The following STK33 variants were observed in gnomAD, a reference collection of about 807,000 sequenced individuals.
STK33 encodes the protein serine/threonine kinase 33, also known as serine/threonine-protein kinase 33.
STK33 carries 52 observed loss-of-function variants against 58.0 expected under a neutral mutation model. That is an observed-to-expected ratio of 0.90 (90% CI 0.72 to 1.13). STK33 has a LOEUF of 1.13. STK33 is among the 50% of genes most tolerant of loss of function. The probability of loss-of-function intolerance (pLI) is 0.00; values close to 1 mark genes in which losing one functional copy is unlikely to be tolerated. For missense variants in STK33, 630 were observed against 604.2 expected, an observed-to-expected ratio of 1.04 and a Z score of -0.45; for synonymous variants, 215 against 200.1, an observed-to-expected ratio of 1.07 and a Z score of -0.63.
At chr11:8,481,498 T>C (rs1440896961) in intron 1 of STK33, among the ~76,000 whole-genome samples, 4 of 152,118 alleles carry the variant, frequency 2.6e-5, no homozygotes, top group African/African-American at 9.7e-5. Context: ...AGCTTACAAA[T>C]ACAATAAACA....
chr11:8,369,465 G>C, the STK33 span, among the ~76,000 whole-genome samples: 2 of 151,534 alleles, frequency 1.3e-5, no homozygotes, highest in Non-Finnish European at 2.9e-5. Flanking sequence ...CAGAGAATGA[G>C]GAGGCTAAGG....
intron 1 of STK33, among the ~76,000 whole-genome samples, chr11:8,577,129 T>C (rs768488168): frequency 6.6e-6 from 1 of 152,210 alleles, no homozygotes; most frequent in African/African-American, 2.4e-5. Flanking sequence ...GAGGGTACTA[T>C]GGTATCTAAC....
intron 1 of STK33, among the ~76,000 whole-genome samples, chr11:8,538,295 C>T (rs1955217766): frequency 6.6e-6 from 1 of 152,086 alleles, no homozygotes; most frequent in Non-Finnish European, 1.5e-5. Flanking sequence ...CTTACAACAA[C>T]TCTATGAAGT....
At chr11:8,506,617 C>CAA (rs34867421) in intron 1 of STK33, among the ~76,000 whole-genome samples, 56 of 151,788 alleles carry the variant, frequency 3.7e-4, no homozygotes, top group East Asian at 2.7e-3. Flanking sequence ...GATAATCCAG[C>CAA]AAAAAAATCC....
the STK33 span, among the ~76,000 whole-genome samples, chr11:8,361,896 C>T: frequency 0.011 from 1,688 of 152,340 alleles, 31 homozygotes; most frequent in African/African-American, 0.039. This position sits in a 1 kb window ranked among gnomAD's most constrained non-coding sequence, Gnocchi z 4.8. Context: ...TGTGCTCACG[C>T]GGGCCCATGG....
At chr11:8,488,053 G>C (rs1950311810) in intron 1 of STK33, among the ~76,000 whole-genome samples, 1 of 152,108 alleles carries the variant, frequency 6.6e-6, no homozygotes, top group African/African-American at 2.4e-5. Context: ...AAGGAAAATG[G>C]AGCTAGGGCT....
intron 1 of STK33, among the ~76,000 whole-genome samples, chr11:8,522,001 A>G (rs530225342): frequency 3.8e-4 from 58 of 151,888 alleles, no homozygotes; most frequent in African/African-American, 1.3e-3. Flanking sequence ...GGATGTGGAG[A>G]AAAAAAACAC....
At chr11:8,546,591 C>T (rs1034630194) in intron 1 of STK33, among the ~76,000 whole-genome samples, 2 of 151,670 alleles carry the variant, frequency 1.3e-5, no homozygotes, top group African/African-American at 2.4e-5. Context: ...TCTTCATCCC[C>T]CCCACCCTAC....
intron 1 of STK33, among the ~76,000 whole-genome samples, chr11:8,543,224 C>T (rs577078173): frequency 4.6e-5 from 7 of 152,256 alleles, no homozygotes; most frequent in African/African-American, 1.7e-4. Context: ...GCATATTCAC[C>T]ATTTAATTGT....
chr11:8,531,670 C>G (rs1954562543), intron 1 of STK33, among the ~76,000 whole-genome samples: 1 of 152,174 alleles, frequency 6.6e-6, no homozygotes, highest in Admixed American at 6.5e-5. Flanking sequence ...GAGTGAGCCT[C>G]CCACAGAACC....
chr11:8,476,207 G>A (rs1949258057), intron 4 of STK33, among the ~76,000 whole-genome samples: 1 of 152,104 alleles, frequency 6.6e-6, no homozygotes, highest in African/African-American at 2.4e-5. Flanking sequence ...TTTAGATTAG[G>A]GGTAGCCATG....
chr11:8,452,268 A>C (rs1946375786), intron 11 of STK33, among the ~76,000 whole-genome samples: 1 of 152,194 alleles, frequency 6.6e-6, no homozygotes, highest in Admixed American at 6.5e-5. Flanking sequence ...AGCAATAATT[A>C]AGTTTGGGGT....
intron 1 of STK33, among the ~76,000 whole-genome samples, chr11:8,484,613 A>C (rs1195439463): frequency 6.6e-6 from 1 of 152,254 alleles, no homozygotes; most frequent in Non-Finnish European, 1.5e-5. Context: ...TTAAATATGT[A>C]AATGCTGAAT....
chr11:8,481,836 T>C (rs749533325), intron 1 of STK33, among the ~76,000 whole-genome samples: 2 of 152,280 alleles, frequency 1.3e-5, no homozygotes, highest in South Asian at 4.1e-4. Flanking sequence ...ATGGACCATA[T>C]TGTCAAACCC....
At chr11:8,467,571 G>C (rs1229263817) in intron 6 of STK33, 1 of 152,300 alleles carries the variant, frequency 6.6e-6, no homozygotes, top group Non-Finnish European at 1.5e-5. Flanking sequence ...CAAGTCTCTA[G>C]GGAGCTCCAA....
At chr11:8,442,674 G>C (rs1196538058) in intron 11 of STK33, among the ~76,000 whole-genome samples, 1 of 152,064 alleles carries the variant, frequency 6.6e-6, no homozygotes, top group South Asian at 2.1e-4. Context: ...TGCCAACAGG[G>C]GGATATGAAC....
intron 1 of STK33, among the ~76,000 whole-genome samples, chr11:8,577,728 C>G (rs1378738786): frequency 1.3e-5 from 2 of 152,008 alleles, no homozygotes; most frequent in Non-Finnish European, 2.9e-5. Context: ...GTATACATGC[C>G]ATTTATACTC....
At chr11:8,526,077 A>G (rs1565275902) in intron 1 of STK33, among the ~76,000 whole-genome samples, 1 of 152,196 alleles carries the variant, frequency 6.6e-6, no homozygotes, top group East Asian at 1.9e-4. Context: ...AAGCAGAAAA[A>G]AGAGAACTCG....
chr11:8,512,152 T>G (rs1215685101), intron 1 of STK33, among the ~76,000 whole-genome samples: 1 of 152,220 alleles, frequency 6.6e-6, no homozygotes, highest in Non-Finnish European at 1.5e-5. Context: ...GTCAATAATC[T>G]ATAGATTAAT....
Sources: allele counts gnomAD v4.1 joint callset (sites outside exome capture counted in the v4.1 genomes callset), GRCh38; gene constraint gnomAD v4.1.1; non-coding constraint Gnocchi (gnomAD v3.1); transcripts MANE v1.5; gene names NCBI Gene and HGNC (gene_info 2026-07-23, HGNC 2026-07-21).